Variants in SUFU observed in about 807,000 individuals in gnomAD.
SUFU encodes the protein suppressor of fused homolog.
SUFU carries 7 observed loss-of-function variants against 58.9 expected under a neutral mutation model. That is an observed-to-expected ratio of 0.12 (90% CI 0.07 to 0.22). The LOEUF is 0.22. Among genes scored for constraint, SUFU ranks in the 10% least tolerant of loss-of-function variants. SUFU has a pLI of 1.00. For synonymous variants in SUFU, 232 were observed against 254.8 expected (o/e 0.91, Z 0.85); for missense variants, 451 against 641.3 (o/e 0.70, Z 3.20).
At chr10:102,583,695 CTTTTTCT>C (rs1451053782) in intron 3 of SUFU, among the ~76,000 whole-genome samples, 2 of 152,044 alleles carry the variant, frequency 1.3e-5, no homozygotes, top group African/African-American at 4.8e-5. Flanking sequence ...GGGTATGTTT[CTTTTTCT>C]TTTTTCTTTT....
intron 10 of SUFU, among the ~76,000 whole-genome samples, chr10:102,626,777 A>C (rs930971481): frequency 3.9e-5 from 6 of 152,140 alleles, no homozygotes; most frequent in African/African-American, 1.4e-4. Flanking sequence ...AGAGGGGGAC[A>C]CTAGAGCCTG....
intron 10 of SUFU, among the ~76,000 whole-genome samples, chr10:102,622,322 C>T (rs1203476523): frequency 6.6e-6 from 1 of 152,208 alleles, no homozygotes; most frequent in Non-Finnish European, 1.5e-5. Context: ...AATACAAGTG[C>T]TGGCCAGGTG....
rs2063819502 is a variant in SUFU, at chr10:102,629,680, C to A, written c.1366-386C>A. ...GGCCATGGCAGTGACAGAGCTCAGG[C>A]CACTTCCCCATAGCCTCCAGACCCT... On this transcript the variant is annotated intron_variant, in intron 11 of 11. Transcript: ENST00000369902. The surrounding 1 kb of genome is among the most constrained non-coding windows in gnomAD (Gnocchi z 4.7). Among the ~76,000 whole-genome samples, 1 of 152,200 alleles carries A rather than the reference C, an allele frequency of 6.6e-6. No homozygotes were observed. The highest frequency in any genetic ancestry group is 1.5e-5 in the Non-Finnish European group (1 of 68,030).
At chr10:102,529,922 C>T (rs570412248) in intron 2 of SUFU, among the ~76,000 whole-genome samples, 43 of 148,222 alleles carry the variant, frequency 2.9e-4, no homozygotes, top group Non-Finnish European at 5.5e-4. Flanking sequence ...TCCAGCCTAG[C>T]GACAGAGTGA....
chr10:102,613,445 C>T (rs2063647075), intron 8 of SUFU, among the ~76,000 whole-genome samples: 1 of 152,228 alleles, frequency 6.6e-6, no homozygotes, highest in Non-Finnish European at 1.5e-5. Flanking sequence ...ACAGGGCCAT[C>T]CTCTGTCTTT....
intron 2 of SUFU, among the ~76,000 whole-genome samples, chr10:102,515,428 G>A (rs2062456415): frequency 6.7e-6 from 1 of 149,976 alleles, no homozygotes; most frequent in African/African-American, 2.5e-5. Flanking sequence ...TGATTCACCT[G>A]CCTCAGCCTC....
intron 2 of SUFU, among the ~76,000 whole-genome samples, chr10:102,527,191 A>G (rs1291291672): frequency 6.6e-6 from 1 of 151,730 alleles, no homozygotes; most frequent in Non-Finnish European, 1.5e-5. Context: ...TTTAGTAGAG[A>G]CAGGGTTTCA....
At chr10:102,568,605 G>A (rs1298351177) in intron 3 of SUFU, among the ~76,000 whole-genome samples, 1 of 151,868 alleles carries the variant, frequency 6.6e-6, no homozygotes, top group Non-Finnish European at 1.5e-5. Context: ...CGGGCACAGT[G>A]GCTCACGCCT....
chr10:102,550,138 C>A (rs1173501719), intron 3 of SUFU, 32 bp downstream of exon 3: 1 of 1,613,782 alleles, frequency 6.2e-7, no homozygotes, highest in South Asian at 1.1e-5. Flanking sequence ...CTGTGCTGGT[C>A]CTTTTGCCAT....
At chr10:102,528,961 CTTTTTTTT>C (rs33942579) in intron 2 of SUFU, among the ~76,000 whole-genome samples, 1 of 131,166 alleles carries the variant, frequency 7.6e-6, no homozygotes, top group Non-Finnish European at 1.6e-5. Flanking sequence ...TTTTTCCTTT[CTTTTTTTT>C]TTTTTTTTTA....
In SUFU at chr10:102,632,100, C is replaced by T. The variant is rs2063842768; in HGVS notation, c.*1945C>T. The T allele has an allele frequency of 1.3e-5, 3 of 233,352 alleles. No homozygotes were observed. In the South Asian group the frequency reaches 5.4e-4, roughly 42 times the overall value. The allele number at this position is 233,352 out of a possible 1,614,324, so 14.5% of individuals were successfully genotyped here. A position where few individuals can be genotyped will look rare whatever the true frequency, so the allele number is the denominator to read the frequency against. On this transcript the variant is annotated 3_prime_UTR_variant, in exon 12 of 12. Transcript: ENST00000369902. ...TGAACTCTCTCTTGCTCGGGACCTGCCTGAGGGCTCCCTGCTGCAGTTCGC... is the reference window on the plus strand; with the variant it reads ...TGAACTCTCTCTTGCTCGGGACCTGTCTGAGGGCTCCCTGCTGCAGTTCGC...
In SUFU at chr10:102,619,728, C is replaced by T. The variant is rs181308865; in HGVS notation, c.1296+2300C>T. On this transcript the variant is annotated intron_variant, in intron 10 of 11. Transcript: ENST00000369902. The surrounding 1 kb of genome is among the most constrained non-coding windows in gnomAD (Gnocchi z 4.2). The stretch of plus-strand genomic sequence containing the variant: ...TTTCTCCCTCTGACTGCCAGCCAGC[C>T]GCCCCTGTTAGGGTCCTGCCACTGT... 4.6e-4 allele frequency among the ~76,000 whole-genome samples: 70 copies of T among 152,328 alleles called. No individual in the cohort carries two copies. Among genetic ancestry groups the T allele is most frequent in the Non-Finnish European group, 8.7e-4 (59 of 68,026 alleles).
rs76655627 is a variant in SUFU at position 102,625,283 on chromosome 10, C to T, written c.1297-1892C>T. Among the ~76,000 whole-genome samples the T allele has an allele frequency of 1.6e-4, 24 of 152,286 alleles. No homozygotes were observed. In the East Asian group the frequency reaches 3.9e-3, roughly 24 times the overall value. On this transcript the variant is annotated intron_variant, in intron 10 of 11. Transcript: ENST00000369902. This position sits in a 1 kb window ranked among gnomAD's most constrained non-coding sequence, Gnocchi z 4.7. ...GAAGAACTGTAGGGGTGCACCTCCC[C>T]GAACTTTGCCAACTTTGCCTCTCCT...
In SUFU at chr10:102,631,592, T is replaced by C. The variant is rs2063837561; in HGVS notation, c.*1437T>C. ...AGTCATGACAATGCAGGGCTCCTCA[T>C]TGCTCCCATCTGCCTCTGCTGCACA... On this transcript the variant is annotated 3_prime_UTR_variant, in exon 12 of 12. Coordinates refer to ENST00000369902, the MANE Select transcript of SUFU (RefSeq NM_016169.4). 1.3e-5 allele frequency: 3 copies of C among 233,480 alleles called. No homozygotes were observed. The allele number at this position is 233,480 out of a possible 1,614,324, so 14.5% of individuals were successfully genotyped here.
At chr10:102,532,715 G>A (rs2062690226) in intron 2 of SUFU, among the ~76,000 whole-genome samples, 1 of 152,144 alleles carries the variant, frequency 6.6e-6, no homozygotes, top group African/African-American at 2.4e-5. Context: ...GCAGAGTTTC[G>A]GAGGCAAGGG....
intron 3 of SUFU, among the ~76,000 whole-genome samples, chr10:102,579,372 C>T (rs539134710): frequency 1.1e-4 from 16 of 152,356 alleles, no homozygotes; most frequent in African/African-American, 3.8e-4. Flanking sequence ...CCCCTACACT[C>T]GCTTTGGGGT....
chr10:102,609,231 C>G (rs2063596115), intron 8 of SUFU, among the ~76,000 whole-genome samples: 1 of 152,068 alleles, frequency 6.6e-6, no homozygotes, highest in Non-Finnish European at 1.5e-5. Flanking sequence ...TGAAAGGAAG[C>G]AAAGTACACA....
At chr10:102,606,613 G>T (rs981714479) in intron 8 of SUFU, among the ~76,000 whole-genome samples, 1 of 152,188 alleles carries the variant, frequency 6.6e-6, no homozygotes, top group African/African-American at 2.4e-5. Context: ...GGATAAAGGT[G>T]GAGGGATACA....
chr10:102,613,964 C>G (rs543746293), intron 8 of SUFU, among the ~76,000 whole-genome samples: 1 of 152,324 alleles, frequency 6.6e-6, no homozygotes. Flanking sequence ...GGCGGGGGCC[C>G]GGTTCTGCTT....
Sources: allele counts gnomAD v4.1 joint callset (sites outside exome capture counted in the v4.1 genomes callset), GRCh38; gene constraint gnomAD v4.1.1; non-coding constraint Gnocchi (gnomAD v3.1); transcripts MANE v1.5; gene names NCBI Gene and HGNC (gene_info 2026-07-23, HGNC 2026-07-21).